PROK2: variants seen among roughly 807,000 people sequenced by gnomAD.
The protein encoded by PROK2 is prokineticin 2.
In PROK2, 8 loss-of-function variants were observed where a neutral mutation model predicts 14.2. The ratio of observed to expected loss-of-function variants is 0.56; its 90% CI spans 0.33 to 1.02. The LOEUF is 1.02. Ranked by LOEUF, PROK2 falls within the 50% of genes least tolerant of loss-of-function variation. PROK2 has a pLI of 0.03. For synonymous variants in PROK2, 59 were observed against 60.7 expected, an observed-to-expected ratio of 0.97 and a Z score of 0.13; for missense variants, 154 against 160.4, an observed-to-expected ratio of 0.96 and a Z score of 0.22.
In PROK2 at chr3:71,772,333, T is replaced by C; in HGVS notation, c.*391A>G. On this transcript the variant is annotated 3_prime_UTR_variant, in exon 4 of 4. Transcript: ENST00000295619. The stretch of plus-strand genomic sequence containing the variant: ...CAAGGGACCAAAAGCTGTAGGTGTA[T>C]TTGTGTGGCAGGGCACAAATGGGGC... 1 of 199,216 alleles carries C rather than the reference T, an allele frequency of 5.0e-6. No individual in the cohort carries two copies. Among genetic ancestry groups the C allele is most frequent in the South Asian group, 7.7e-5 (1 of 12,910 alleles). The allele number at this position is 199,216 out of a possible 1,614,324, so 12.3% of individuals were successfully genotyped here.
chr3:71,777,482 C>T (rs766500335), intron 2 of PROK2, among the ~76,000 whole-genome samples: 2 of 151,798 alleles, frequency 1.3e-5, no homozygotes, highest in Non-Finnish European at 2.9e-5. Context: ...GTAGAAACCA[C>T]TAATAATTTT....
rs2050083555 is a variant in PROK2 at position 71,772,052 on chromosome 3, T to G, written c.*672A>C. The G allele has an allele frequency of 6.6e-6, 1 of 152,252 alleles. No individual in the cohort carries two copies. Among genetic ancestry groups the G allele is most frequent in the South Asian group, 2.1e-4 (1 of 4,824 alleles). 9.4% of individuals were successfully genotyped at this position (152,252 alleles called of 1,614,324 possible). On this transcript the variant is annotated 3_prime_UTR_variant, in exon 4 of 4. Coordinates refer to ENST00000295619, the MANE Select transcript of PROK2 (RefSeq NM_001126128.2). ...CACCAGCCCAACAGCAGAGCTGAAG[T>G]CCTCTTGAGTGACAGGTTTAGGAAG...
chr3:71,781,629 C>A (rs1553674747), intron 1 of PROK2, 37 bp from the exon 2 acceptor site: 2 of 1,597,102 alleles, frequency 1.3e-6, no homozygotes, highest in Admixed American at 3.3e-5. Flanking sequence ...ATATAGATAA[C>A]AGGAAAGACT....
chr3:71,779,304 A>T (rs1290125799), intron 2 of PROK2, among the ~76,000 whole-genome samples: 2 of 152,224 alleles, frequency 1.3e-5, no homozygotes, highest in African/African-American at 4.8e-5. Context: ...AGACCACATA[A>T]ACAACAGAGT....
intron 1 of PROK2, among the ~76,000 whole-genome samples, chr3:71,784,392 C>T (rs2050194077): frequency 1.3e-5 from 2 of 152,150 alleles, no homozygotes; most frequent in Non-Finnish European, 2.9e-5. Context: ...GGGAAAGCCC[C>T]GGAACCCAGA....
intron 2 of PROK2, among the ~76,000 whole-genome samples, chr3:71,779,295 G>T (rs2050143835): frequency 6.6e-6 from 1 of 152,228 alleles, no homozygotes; most frequent in Non-Finnish European, 1.5e-5. Context: ...TAATGATTAA[G>T]ACCACATAAA....
At position 71,781,839 on chromosome 3, in the gene PROK2, A is replaced by C. The variant is rs534730522; in HGVS notation, c.97-247T>G. Among the ~76,000 whole-genome samples, 7 of 152,288 alleles carry C rather than the reference A, an allele frequency of 4.6e-5. No homozygotes were observed. The Middle Eastern group carries it at 0.014, about 296-fold the overall frequency. ...CCCCTGGATTATGAAAATCTTAAAT[A>C]AACATAAGATTTTTTTTTAAATGAA... On this transcript the variant is annotated intron_variant, in intron 1 of 3. Coordinates refer to ENST00000295619, the MANE Select transcript of PROK2 (RefSeq NM_001126128.2).
chr3:71,773,066 A>C (rs1273929376), intron 3 of PROK2, among the ~76,000 whole-genome samples: 1 of 151,972 alleles, frequency 6.6e-6, no homozygotes, highest in East Asian at 1.9e-4. Context: ...TGCAACCTCC[A>C]CCTCCCGTGT....
intron 2 of PROK2, among the ~76,000 whole-genome samples, chr3:71,778,124 G>A (rs960510140): frequency 2.0e-5 from 3 of 150,894 alleles, no homozygotes; most frequent in Non-Finnish European, 3.0e-5. Context: ...GTGAACCCGG[G>A]AGGCGGAGCT....
At chr3:71,773,138 C>T (rs900177767) in intron 3 of PROK2, among the ~76,000 whole-genome samples, 3 of 152,166 alleles carry the variant, frequency 2.0e-5, no homozygotes, top group Non-Finnish European at 4.4e-5. Flanking sequence ...TGCCACCACG[C>T]CCAACTAACT....
intron 2 of PROK2, among the ~76,000 whole-genome samples, chr3:71,776,688 A>T (rs1459530851): frequency 6.6e-6 from 1 of 152,008 alleles, no homozygotes; most frequent in African/African-American, 2.4e-5. Flanking sequence ...AAAAACCATG[A>T]TTTCTGATAT....
chr3:71,772,925 T>C, intron 3 of PROK2, 97 bp from the exon 4 acceptor site: 1 of 1,017,052 alleles, frequency 9.8e-7, no homozygotes, highest in East Asian at 2.5e-5. Flanking sequence ...CAATAACTAG[T>C]GTTTACTGAG....
intron 3 of PROK2, 37 bp from the exon 4 acceptor site, chr3:71,772,865 G>T (rs887647914): frequency 9.5e-6 from 15 of 1,575,608 alleles, no homozygotes; most frequent in East Asian, 2.2e-5. Flanking sequence ...AGCTGGAAAG[G>T]TTTCAAAAAC....
At chr3:71,777,417 T>C (rs2050128544) in intron 2 of PROK2, among the ~76,000 whole-genome samples, 1 of 152,180 alleles carries the variant, frequency 6.6e-6, no homozygotes, top group Admixed American at 6.5e-5. Flanking sequence ...AAAATTTTAA[T>C]GACTTCATAT....
intron 2 of PROK2, among the ~76,000 whole-genome samples, chr3:71,778,145 C>CAGT (rs2050133623): frequency 6.6e-6 from 1 of 150,448 alleles, no homozygotes; most frequent in African/African-American, 2.4e-5. Context: ...TGCAGTGAGC[C>CAGT]GAGATCACAC....
At position 71,785,140 on chromosome 3, in the gene PROK2, G is replaced by C; in HGVS notation, c.-88C>G. ...GTGGAGCGCGGAGCGGCGGGCGGAC[G>C]GGCGCGGCGGCTCCCGCGAGCCTCC... On this transcript the variant is annotated 5_prime_UTR_variant, in exon 1 of 4. Coordinates refer to ENST00000295619, the MANE Select transcript of PROK2 (RefSeq NM_001126128.2). 5.6e-6 allele frequency: 5 copies of C among 900,108 alleles called. No individual in the cohort carries two copies. The highest frequency in any genetic ancestry group is 7.2e-6 in the Non-Finnish European group (5 of 696,208). The allele number at this position is 900,108 out of a possible 1,614,324, so 55.8% of individuals were successfully genotyped here.
At chr3:71,776,657 C>G (rs1033128052) in intron 2 of PROK2, among the ~76,000 whole-genome samples, 1 of 152,222 alleles carries the variant, frequency 6.6e-6, no homozygotes, top group East Asian at 1.9e-4. Context: ...GGATTACAGA[C>G]GTGAGTCACT....
intron 2 of PROK2, among the ~76,000 whole-genome samples, chr3:71,775,067 T>A (rs577148589): frequency 6.6e-6 from 1 of 152,222 alleles, no homozygotes; most frequent in Admixed American, 6.5e-5. Flanking sequence ...AGGCCAAGGA[T>A]GCTGCTAAAC....
At chr3:71,773,831 G>A (rs1382789238) in intron 3 of PROK2, among the ~76,000 whole-genome samples, 1 of 152,212 alleles carries the variant, frequency 6.6e-6, no homozygotes, top group African/African-American at 2.4e-5. Flanking sequence ...AACCGACAGC[G>A]AGCATGGTGG....
Sources: allele counts gnomAD v4.1 joint callset (sites outside exome capture counted in the v4.1 genomes callset), GRCh38; gene constraint gnomAD v4.1.1; transcripts MANE v1.5; gene names NCBI Gene and HGNC (gene_info 2026-07-23, HGNC 2026-07-21).